PDE3A: variants seen among roughly 807,000 people sequenced by gnomAD.
PDE3A encodes the protein phosphodiesterase 3A, also known as cGMP-inhibited 3',5'-cyclic phosphodiesterase 3A.
A neutral mutation model predicts 98.3 loss-of-function variants in PDE3A; 43 were observed. The ratio of observed to expected loss-of-function variants is 0.44; its 90% CI spans 0.34 to 0.56. The LOEUF is 0.56. Among genes scored for constraint, PDE3A ranks in the 20% least tolerant of loss-of-function variants. PDE3A has a pLI of 0.01. For synonymous variants in PDE3A, 663 were observed against 567.9 expected (o/e 1.17, Z -2.38); for missense variants, 1,427 against 1,440.7 (o/e 0.99, Z 0.15).
At chr12:20,582,148 A>C (rs551500198) in intron 2 of PDE3A, among the ~76,000 whole-genome samples, 1 of 151,974 alleles carries the variant, frequency 6.6e-6, no homozygotes, top group Non-Finnish European at 1.5e-5. Context: ...AACTAAGGAA[A>C]TATCCTTTTG....
intron 15 of PDE3A, among the ~76,000 whole-genome samples, chr12:20,672,635 T>C (rs1447900395): frequency 7.8e-6 from 1 of 127,624 alleles, no homozygotes; most frequent in East Asian, 2.3e-4. Flanking sequence ...CTGGGAAAAC[T>C]GGCTAGCCAT....
At chr12:20,445,802 A>G (rs1565551754) in intron 1 of PDE3A, among the ~76,000 whole-genome samples, 1 of 151,990 alleles carries the variant, frequency 6.6e-6, no homozygotes, top group Non-Finnish European at 1.5e-5. Context: ...TCCTTCCTGG[A>G]GGTATAAATA....
intron 15 of PDE3A, among the ~76,000 whole-genome samples, chr12:20,654,660 C>CTTTTTTTTTTT (rs71442265): frequency 8.4e-4 from 72 of 85,856 alleles, no homozygotes; most frequent in African/African-American, 1.0e-3. Flanking sequence ...CTACACCCGG[C>CTTTTTTTTTTT]TTTTTTTTTT....
At chr12:20,439,193 G>A (rs1055870888) in intron 1 of PDE3A, among the ~76,000 whole-genome samples, 1 of 152,058 alleles carries the variant, frequency 6.6e-6, no homozygotes, top group Non-Finnish European at 1.5e-5. Flanking sequence ...AATAACAATA[G>A]GACTTTTAAA....
Position 20,552,837 on chromosome 12 carries a change from G to A in PDE3A, c.961-3823G>A, listed in dbSNP as rs1193120039. 4.3e-6 allele frequency: 7 copies of A among 1,613,784 alleles called. No homozygotes were observed. Among genetic ancestry groups the A allele is most frequent in the Non-Finnish European group, 5.9e-6 (7 of 1,179,858 alleles). ...AGGAGCTGGTGTTCCGGCCCATCAC[G>A]ACCGTGTGCCAGCACAACGTGTGCA... On this transcript the variant is annotated intron_variant, in intron 1 of 15. Transcript: ENST00000359062. The surrounding 1 kb of genome is among the most constrained non-coding windows in gnomAD (Gnocchi z 5.1).
chr12:20,382,988 G>A (rs1943688859), intron 1 of PDE3A, among the ~76,000 whole-genome samples: 1 of 151,938 alleles, frequency 6.6e-6, no homozygotes, highest in Non-Finnish European at 1.5e-5. Flanking sequence ...TAAATTGTAA[G>A]CAAAGCCACT....
At chr12:20,479,548 TA>T (rs796924779) in intron 1 of PDE3A, among the ~76,000 whole-genome samples, 67 of 152,360 alleles carry the variant, frequency 4.4e-4, no homozygotes, top group African/African-American at 1.6e-3. Context: ...TCTTGTGAGT[TA>T]AAAGGGAATT....
chr12:20,528,051 T>A (rs1946558807), intron 1 of PDE3A, among the ~76,000 whole-genome samples: 1 of 152,318 alleles, frequency 6.6e-6, no homozygotes, highest in South Asian at 2.1e-4. Context: ...CCAGTCCTTT[T>A]GAGCAGGTTT....
Position 20,650,615 on chromosome 12 carries a change from T to A in PDE3A, c.2925+15T>A, listed in dbSNP as rs10743384. The A allele has an allele frequency of 6.4e-7, 1 of 1,570,364 alleles. No homozygotes were observed. The highest frequency in any genetic ancestry group is 8.8e-7 in the Non-Finnish European group (1 of 1,142,436). On this transcript the variant is annotated intron_variant, in intron 14 of 15. Coordinates refer to ENST00000359062, the MANE Select transcript of PDE3A (RefSeq NM_000921.5). ...TTTATGAACAGGTAACTGACCACTG[T>A]TTAATACAGCTTAATCTGTACTTAC...
At chr12:20,370,390 T>G (rs552586677) in intron 1 of PDE3A, 146 bp downstream of exon 1, 345 of 456,144 alleles carry the variant, frequency 7.6e-4, no homozygotes, top group African/African-American at 6.8e-3. Context: ...AACTAGCAGG[T>G]TTTTTTTTTG....
chr12:20,436,561 G>A (rs929719569), intron 1 of PDE3A, among the ~76,000 whole-genome samples: 1 of 152,168 alleles, frequency 6.6e-6, no homozygotes, highest in African/African-American at 2.4e-5. Flanking sequence ...TTTAGTGAGA[G>A]GAACTGGGAG....
At chr12:20,430,665 T>C (rs1333577277) in intron 1 of PDE3A, among the ~76,000 whole-genome samples, 1 of 152,146 alleles carries the variant, frequency 6.6e-6, no homozygotes, top group African/African-American at 2.4e-5. Flanking sequence ...TCTATAGAAA[T>C]TTTGCATTTT....
At position 20,618,331 on chromosome 12, in the gene PDE3A, G is replaced by A. The variant is rs145270449; in HGVS notation, c.1424+1947G>A. Among the ~76,000 whole-genome samples, 30 of 150,454 alleles carry A rather than the reference G, an allele frequency of 2.0e-4. No homozygotes were observed. In the East Asian group the frequency reaches 5.6e-3, roughly 28 times the overall value. On this transcript the variant is annotated intron_variant, in intron 4 of 15. Coordinates refer to ENST00000359062, the MANE Select transcript of PDE3A (RefSeq NM_000921.5). ...TCTTTTGAGTTTTAGCCCTGAAATT[G>A]CTTCCCTTTTAGCCCTTTTATTTAT... is the stretch of plus-strand genomic sequence containing the variant.
At chr12:20,466,393 TCTC>T (rs1300610305) in intron 1 of PDE3A, among the ~76,000 whole-genome samples, 1 of 152,126 alleles carries the variant, frequency 6.6e-6, no homozygotes, top group Non-Finnish European at 1.5e-5. Flanking sequence ...AAGCAACAAT[TCTC>T]CTGTGTTTCA....
At chr12:20,438,913 T>C (rs903198184) in intron 1 of PDE3A, among the ~76,000 whole-genome samples, 8 of 152,050 alleles carry the variant, frequency 5.3e-5, no homozygotes, top group Admixed American at 1.3e-4. Context: ...TGTCTCAGCC[T>C]CCTGAGTAGC....
chr12:20,401,181 T>C (rs1944123564), intron 1 of PDE3A, among the ~76,000 whole-genome samples: 1 of 152,192 alleles, frequency 6.6e-6, no homozygotes, highest in Non-Finnish European at 1.5e-5. Context: ...CACTTCGTAG[T>C]TGGATGGGCT....
At chr12:20,528,910 A>C (rs956133434) in intron 1 of PDE3A, among the ~76,000 whole-genome samples, 11 of 152,196 alleles carry the variant, frequency 7.2e-5, no homozygotes, top group Non-Finnish European at 1.5e-4. Context: ...CATTAGTAAA[A>C]GTGTTAATAA....
At chr12:20,372,880 T>C (rs1445172561) in intron 1 of PDE3A, among the ~76,000 whole-genome samples, 5 of 152,140 alleles carry the variant, frequency 3.3e-5, no homozygotes, top group African/African-American at 1.2e-4. Flanking sequence ...GGCTTACCAG[T>C]GAGAGAATTT....
At chr12:20,411,797 A>G (rs1360013207) in intron 1 of PDE3A, among the ~76,000 whole-genome samples, 2 of 152,134 alleles carry the variant, frequency 1.3e-5, no homozygotes, top group African/African-American at 4.8e-5. Flanking sequence ...ATTTTCATCT[A>G]ATGTCCCCGA....
Sources: gnomAD v4.1 joint callset for allele counts (sites outside exome capture counted in the v4.1 genomes callset) on GRCh38, gnomAD v4.1.1 for gene constraint, Gnocchi (gnomAD v3.1) non-coding constraint, MANE v1.5 for transcripts, NCBI Gene and HGNC (gene_info 2026-07-23, HGNC 2026-07-21) for gene names.